The following MED13L variants were observed in gnomAD, a reference collection of about 807,000 sequenced individuals.
The protein encoded by MED13L is mediator of RNA polymerase II transcription subunit 13-like.
In MED13L, 7 loss-of-function variants were observed where a neutral mutation model predicts 220.9. The ratio of observed to expected loss-of-function variants is 0.03; its 90% CI spans 0.02 to 0.06. MED13L has a LOEUF of 0.06. MED13L is among the 10% of genes least tolerant of loss of function. The probability of loss-of-function intolerance (pLI) is 1.00; values close to 1 mark genes in which losing one functional copy is unlikely to be tolerated. For missense variants in MED13L, 1,965 were observed against 2,760.5 expected (o/e 0.71, Z 6.46); for synonymous variants, 1,011 against 1,015.2 (o/e 1.00, Z 0.08).
At chr12:116,138,087 C>T (rs1006859678) in intron 2 of MED13L, among the ~76,000 whole-genome samples, 5 of 151,884 alleles carry the variant, frequency 3.3e-5, no homozygotes, top group Non-Finnish European at 7.4e-5. Context: ...AACTCCTGAC[C>T]TCAGGCAATC....
chr12:116,076,528 C>T (rs1042177577), intron 4 of MED13L, among the ~76,000 whole-genome samples: 1 of 152,082 alleles, frequency 6.6e-6, no homozygotes, highest in East Asian at 1.9e-4. Context: ...CAGAGCAAGG[C>T]TTTGTCTTAC....
At chr12:115,997,449 T>TATCACTGTATCACCCAGGCTGGAG (rs1878476996) in intron 14 of MED13L, among the ~76,000 whole-genome samples, 1 of 152,230 alleles carries the variant, frequency 6.6e-6, no homozygotes, top group African/African-American at 2.4e-5. Context: ...TGAGACAAAG[T>TATCACTGTATCACCCAGGCTGGAG]ATCACTGTAT....
chr12:116,007,208 C>G, intron 11 of MED13L: 1 of 618,342 alleles, frequency 1.6e-6, no homozygotes, highest in African/African-American at 1.8e-5. Context: ...TTATGTTCGG[C>G]TGACTTTTAA....
At chr12:116,227,545 T>C (rs1009065218) in intron 2 of MED13L, among the ~76,000 whole-genome samples, 1 of 152,210 alleles carries the variant, frequency 6.6e-6, no homozygotes, top group Non-Finnish European at 1.5e-5. Flanking sequence ...TTATAATATC[T>C]GTTATGGTGG....
chr12:115,974,485 G>A (rs1286958549), intron 25 of MED13L, among the ~76,000 whole-genome samples: 1 of 152,332 alleles, frequency 6.6e-6, no homozygotes, highest in African/African-American at 2.4e-5. Context: ...GCTACATTGG[G>A]ATAGTAAATG....
At chr12:116,136,890 T>G (rs551189708) in intron 2 of MED13L, among the ~76,000 whole-genome samples, 1 of 152,316 alleles carries the variant, frequency 6.6e-6, no homozygotes, top group Admixed American at 6.5e-5. Context: ...ACATTTGATT[T>G]TCCTGAATAA....
At chr12:116,220,230 A>T (rs1883230685) in intron 2 of MED13L, among the ~76,000 whole-genome samples, 2 of 152,198 alleles carry the variant, frequency 1.3e-5, no homozygotes, top group African/African-American at 4.8e-5. Context: ...TAATCATGGG[A>T]TCAATTAAAA....
chr12:116,182,963 T>C (rs1449785552), intron 2 of MED13L, among the ~76,000 whole-genome samples: 2 of 152,112 alleles, frequency 1.3e-5, no homozygotes, highest in African/African-American at 4.8e-5. Flanking sequence ...AAGACTGTTT[T>C]AGTAACCACA....
chr12:116,049,468 C>T (rs1882025567), intron 4 of MED13L, among the ~76,000 whole-genome samples: 1 of 152,024 alleles, frequency 6.6e-6, no homozygotes, highest in African/African-American at 2.4e-5. Flanking sequence ...TATAACCAGC[C>T]CTTTTTCCAG....
intron 2 of MED13L, among the ~76,000 whole-genome samples, chr12:116,180,600 A>C: frequency 6.6e-6 from 1 of 152,148 alleles, no homozygotes; most frequent in Non-Finnish European, 1.5e-5. Context: ...GTAGTGCCAC[A>C]ATTAAGAAAC....
At chr12:116,259,184 C>A (rs1165667193) in intron 1 of MED13L, among the ~76,000 whole-genome samples, 3 of 152,010 alleles carry the variant, frequency 2.0e-5, no homozygotes, top group Non-Finnish European at 4.4e-5. Flanking sequence ...TGCTCAAAAA[C>A]ATAATAAAAA....
intron 3 of MED13L, among the ~76,000 whole-genome samples, chr12:116,099,368 TTAAAATTGA>T (rs749318555): frequency 1.1e-4 from 16 of 152,360 alleles, no homozygotes; most frequent in Middle Eastern, 3.4e-3. Context: ...AAGGTATATC[TTAAAATTGA>T]TAATGCTGAG....
At chr12:116,232,768 T>C (rs1238472686) in intron 2 of MED13L, among the ~76,000 whole-genome samples, 2 of 152,184 alleles carry the variant, frequency 1.3e-5, no homozygotes, top group Non-Finnish European at 2.9e-5. Flanking sequence ...AGGCAGTGAA[T>C]TGGCGAGAAT....
At chr12:116,277,028 C>G in intron 1 of MED13L, 32 bp downstream of exon 1, 1 of 1,322,732 alleles carries the variant, frequency 7.6e-7, no homozygotes, top group Non-Finnish European at 1.1e-6. Context: ...CCTTCCCCGG[C>G]ACAGCCCCCT....
In MED13L at chr12:115,986,527, T is replaced by C. The variant is rs776084430; in HGVS notation, c.4115-38A>G. ...TGTAGTGTAGAAAGGTGCTAGAGAG[T>C]TTTTCCCACAACCTTACAATTTTGA... On this transcript the variant is annotated intron_variant, in intron 18 of 30. Transcript: ENST00000281928. The C allele has an allele frequency of 9.6e-5, 152 of 1,590,596 alleles. 1 individual carries two copies. The highest frequency in any genetic ancestry group is 1.3e-4 in the Non-Finnish European group (149 of 1,161,484).
chr12:116,038,732 C>A (rs1431448918), intron 4 of MED13L, among the ~76,000 whole-genome samples: 1 of 82,986 alleles, frequency 1.2e-5, no homozygotes, highest in Non-Finnish European at 2.1e-5. Context: ...TTTACCTATG[C>A]GGTCAAAAGG....
intron 4 of MED13L, among the ~76,000 whole-genome samples, chr12:116,049,981 T>C (rs1238448722): frequency 6.6e-6 from 1 of 152,244 alleles, no homozygotes; most frequent in Non-Finnish European, 1.5e-5. Flanking sequence ...GTAAGATCTA[T>C]TCCTTTGAAT....
rs551650345 is a variant in MED13L, at chr12:116,206,940, T to G, written c.310+30528A>C. Reference sequence around the variant, plus strand: ...GATGAAACAAAAGCACCTCACTGTGTAACCAGTTGGTGACAAAAACCACAG... The same window carrying G: ...GATGAAACAAAAGCACCTCACTGTGGAACCAGTTGGTGACAAAAACCACAG... On this transcript the variant is annotated intron_variant, in intron 2 of 30. Coordinates refer to ENST00000281928, the MANE Select transcript of MED13L (RefSeq NM_015335.5). Among the ~76,000 whole-genome samples the G allele has an allele frequency of 1.3e-4, 20 of 152,286 alleles. No homozygotes were observed. The South Asian group carries it at 3.9e-3, about 30-fold the overall frequency.
Position 116,031,730 on chromosome 12 carries a change from GAAAA to G in MED13L, c.480-9133_480-9130del, listed in dbSNP as rs1566020658. Among the ~76,000 whole-genome samples the G allele has an allele frequency of 8.7e-3, 569 of 65,192 alleles. 8 individuals carry two copies. Among genetic ancestry groups the G allele is most frequent in the African/African-American group, 0.036 (455 of 12,516 alleles). The allele number at this position is 65,192 out of a possible 152,430, so 42.8% of individuals were successfully genotyped here. A position where few individuals can be genotyped will look rare whatever the true frequency, so the allele number is the denominator to read the frequency against. On this transcript the variant is annotated intron_variant, in intron 4 of 30. Coordinates refer to ENST00000281928, the MANE Select transcript of MED13L (RefSeq NM_015335.5). ...GAAAAGAAAAGAAAAGAAAAGAAAA[GAAAA>G]GAAAAGAAAAGAAAAGAAAAGAAAA...
Sources: allele counts gnomAD v4.1 joint callset (sites outside exome capture counted in the v4.1 genomes callset), GRCh38; gene constraint gnomAD v4.1.1; transcripts MANE v1.5; gene names NCBI Gene and HGNC (gene_info 2026-07-23, HGNC 2026-07-21).